TBX4: variants seen among roughly 807,000 people sequenced by gnomAD.
TBX4 encodes the protein T-box transcription factor 4.
In TBX4, 13 loss-of-function variants were observed where a neutral mutation model predicts 54.6. That is an observed-to-expected ratio of 0.24 (90% CI 0.15 to 0.38). The LOEUF (loss-of-function observed/expected upper bound fraction) is 0.38. TBX4 is among the 10% of genes least tolerant of loss of function. The pLI is 1.00. For missense variants in TBX4, 631 were observed against 728.5 expected, an observed-to-expected ratio of 0.87 and a Z score of 1.54; for synonymous variants, 314 against 306.7, an observed-to-expected ratio of 1.02 and a Z score of -0.25.
Position 61,482,988 on chromosome 17 carries a change from C to G in TBX4, c.1113C>G (p.Pro371=), listed in dbSNP as rs140385970. The G allele has an allele frequency of 2.8e-4, 451 of 1,614,076 alleles. 1 individual carries two copies. The highest frequency in any genetic ancestry group is 2.1e-3 in the Middle Eastern group (13 of 6,062). Reference sequence around the variant, plus strand: ...GGGAGGATCACTATTTCCGTTCCCCCCCTCCCTACGACCAGCAAATGCTGA... The same window carrying G: ...GGGAGGATCACTATTTCCGTTCCCCGCCTCCCTACGACCAGCAAATGCTGA... ...SVGEDHYFRS[P]PPYDQQMLSP... The change falls in exon 9 of 9, where the codon CCC becomes CCG. Residue 371 remains proline, a synonymous_variant. Coordinates refer to ENST00000644296, the MANE Select transcript of TBX4 (RefSeq NM_001321120.2).
chr17:61,481,029 G>C lies in TBX4; in HGVS notation c.1021+710G>C, dbSNP rs1333457787. Among the ~76,000 whole-genome samples, 1 of 152,098 alleles carries C rather than the reference G, an allele frequency of 6.6e-6. No individual in the cohort carries two copies. The highest frequency in any genetic ancestry group is 2.4e-5 in the African/African-American group (1 of 41,410). On this transcript the variant is annotated intron_variant, in intron 8 of 8. Transcript: ENST00000644296. This position sits in a 1 kb window ranked among gnomAD's most constrained non-coding sequence, Gnocchi z 4.8. ...GAAATTCCCTTCGGAATGAGCCTGG[G>C]GACTTTTGCTTGCCTTCCGGAATGT... is the stretch of plus-strand genomic sequence containing the variant.
At chr17:61,471,188 C>A (rs1403434188) in intron 5 of TBX4, among the ~76,000 whole-genome samples, 1 of 152,206 alleles carries the variant, frequency 6.6e-6, no homozygotes, top group African/African-American at 2.4e-5. Context: ...GGCCTGACTG[C>A]CACACCCTTA....
chr17:61,476,367 T>A lies in TBX4; in HGVS notation c.550-2260T>A, dbSNP rs2060620042. ...GATCGAGACAGCAGAGGGACCTGCATGTGCAAAGGTGCACAGGTAGGAACT... is the reference window on the plus strand; with the variant it reads ...GATCGAGACAGCAGAGGGACCTGCAAGTGCAAAGGTGCACAGGTAGGAACT... On this transcript the variant is annotated intron_variant, in intron 5 of 8. Transcript: ENST00000644296. The surrounding 1 kb of genome is among the most constrained non-coding windows in gnomAD (Gnocchi z 6.5). Among the ~76,000 whole-genome samples the A allele has an allele frequency of 6.6e-6, 1 of 152,234 alleles. No individual in the cohort carries two copies. The highest frequency in any genetic ancestry group is 6.5e-5 in the Admixed American group (1 of 15,286).
Position 61,457,426 on chromosome 17 carries a change from T to TA in TBX4, c.187-111_187-110insA. 1 of 921,644 alleles carries TA rather than the reference T, an allele frequency of 1.1e-6. No individual in the cohort carries two copies. Among genetic ancestry groups the TA allele is most frequent in the Non-Finnish European group, 1.8e-6 (1 of 562,322 alleles). The allele number at this position is 921,644 out of a possible 1,614,324, so 57.1% of individuals were successfully genotyped here. ...TGAAACGAAATCTGGAGCCATGGGCTCCGGGCGGGCAGGGTTCCGCACAGC... is the reference window on the plus strand; with the variant it reads ...TGAAACGAAATCTGGAGCCATGGGCTACCGGGCGGGCAGGGTTCCGCACAGC... On this transcript the variant is annotated intron_variant, in intron 2 of 8. Transcript: ENST00000644296. The surrounding 1 kb of genome is among the most constrained non-coding windows in gnomAD (Gnocchi z 8.2).
In TBX4 at chr17:61,483,255, C is replaced by T. The variant is rs200860672; in HGVS notation, c.1380C>T (p.Ser460=). ...TGATGCCGCGGCTGCCCACCCTCTC[C>T]GCTCAGAGCTCCCAGCCACCAGGAA... ...TTMMPRLPTL[S]AQSSQPPGNA... is the part of the protein sequence containing the mutation. The change falls in exon 9 of 9, where the codon TCC becomes TCT. Residue 460 remains serine (S), a synonymous_variant. Coordinates refer to ENST00000644296, the MANE Select transcript of TBX4 (RefSeq NM_001321120.2). This position sits in a 1 kb window ranked among gnomAD's most constrained non-coding sequence, Gnocchi z 6.6. 1.2e-4 allele frequency: 192 copies of T among 1,614,070 alleles called. 1 individual carries two copies. Among genetic ancestry groups the T allele is most frequent in the Non-Finnish European group, 4.1e-5 (48 of 1,180,042 alleles).
At chr17:61,456,371 G>A in intron 1 of TBX4, 117 bp from the exon 2 acceptor site, 1 of 1,397,856 alleles carries the variant, frequency 7.2e-7, no homozygotes, top group Non-Finnish European at 9.9e-7. Context: ...CGGGGTCCAC[G>A]TGCTCCAGGG....
In TBX4 at chr17:61,472,808, A is replaced by G. The variant is rs1420342002; in HGVS notation, c.549+5151A>G. On this transcript the variant is annotated intron_variant, in intron 5 of 8. Transcript: ENST00000644296. This position sits in a 1 kb window ranked among gnomAD's most constrained non-coding sequence, Gnocchi z 4.5. Reference sequence around the variant, plus strand: ...AATCCAATTTTTTTTTTTTTTCTACAGAGCTATCCAGTTGTCCCAGCATCA... The same window carrying G: ...AATCCAATTTTTTTTTTTTTTCTACGGAGCTATCCAGTTGTCCCAGCATCA... Among the ~76,000 whole-genome samples, 1 of 149,014 alleles carries G rather than the reference A, an allele frequency of 6.7e-6. No individual in the cohort carries two copies. Among genetic ancestry groups the G allele is most frequent in the Non-Finnish European group, 1.5e-5 (1 of 67,622 alleles).
At chr17:61,473,514 G>A (rs918844804) in intron 5 of TBX4, among the ~76,000 whole-genome samples, 1 of 152,180 alleles carries the variant, frequency 6.6e-6, no homozygotes, top group Admixed American at 6.5e-5. Context: ...TCTGCCAGTG[G>A]GGACCCAGAG....
At position 61,454,051 on chromosome 17, in the gene TBX4, C is replaced by T. The variant is rs112737023; in HGVS notation, c.-4+1474C>T. 1.1e-3 allele frequency among the ~76,000 whole-genome samples: 168 copies of T among 152,258 alleles called. 1 individual carries two copies. The highest frequency in any genetic ancestry group is 3.8e-3 in the African/African-American group (159 of 41,554). ...GAAATAGTATTATGAATGTGCCAGG[C>T]GGCCCTGAAATGATGGAACAGTGAC... On this transcript the variant is annotated intron_variant, in intron 1 of 8. Transcript: ENST00000644296.
At position 61,465,088 on chromosome 17, in the gene TBX4, C is replaced by G. The variant is rs1387319214; in HGVS notation, c.282-731C>G. On this transcript the variant is annotated intron_variant, in intron 3 of 8. Transcript: ENST00000644296. The surrounding 1 kb of genome is among the most constrained non-coding windows in gnomAD (Gnocchi z 4.9). ...GTTGCCTAAGGCTTATCAGTGGGGT[C>G]CAGGCTGTGACCATGGCAGGTGGTT... Among the ~76,000 whole-genome samples, 4 of 152,134 alleles carry G rather than the reference C, an allele frequency of 2.6e-5. No homozygotes were observed. The highest frequency in any genetic ancestry group is 9.7e-5 in the African/African-American group (4 of 41,418).
rs2060530001 is a variant in TBX4, at chr17:61,465,629, G to T, written c.282-190G>T. Reference sequence around the variant, plus strand: ...CAGGGGCTCAGAGACAGCAGCCAGTGCCACCTTTTCACTGTGCAGCTCGGG... The same window carrying T: ...CAGGGGCTCAGAGACAGCAGCCAGTTCCACCTTTTCACTGTGCAGCTCGGG... On this transcript the variant is annotated intron_variant, in intron 3 of 8. Transcript: ENST00000644296. This position sits in a 1 kb window ranked among gnomAD's most constrained non-coding sequence, Gnocchi z 4.9. Among the ~76,000 whole-genome samples, 1 of 152,186 alleles carries T rather than the reference G, an allele frequency of 6.6e-6. No homozygotes were observed. The highest frequency in any genetic ancestry group is 6.5e-5 in the Admixed American group (1 of 15,288).
At chr17:61,467,293 G>A (rs928027620) in intron 4 of TBX4, among the ~76,000 whole-genome samples, 3 of 152,026 alleles carry the variant, frequency 2.0e-5, no homozygotes, top group Non-Finnish European at 4.4e-5. Context: ...CTTTTCTACT[G>A]CAGTAAAATA....
chr17:61,474,853 A>G lies in TBX4; in HGVS notation c.550-3774A>G, dbSNP rs900508605. On this transcript the variant is annotated intron_variant, in intron 5 of 8. Transcript: ENST00000644296. The surrounding 1 kb of genome is among the most constrained non-coding windows in gnomAD (Gnocchi z 4.6). ...TCACATTCTCCCGGCTGATGGGACT[A>G]AGGCTCAAGTTTATACTTGTCTTGG... 6.6e-6 allele frequency among the ~76,000 whole-genome samples: 1 copy of G among 152,206 alleles called. No individual in the cohort carries two copies. Among genetic ancestry groups the G allele is most frequent in the African/African-American group, 2.4e-5 (1 of 41,448 alleles).
intron 1 of TBX4, among the ~76,000 whole-genome samples, chr17:61,455,711 C>G (rs1293271967): frequency 6.6e-6 from 1 of 152,194 alleles, no homozygotes; most frequent in African/African-American, 2.4e-5. Flanking sequence ...CTGAGTGAGC[C>G]TGTAGGTTCG....
intron 5 of TBX4, among the ~76,000 whole-genome samples, chr17:61,470,873 TCTC>T (rs1298524566): frequency 6.6e-6 from 1 of 152,190 alleles, no homozygotes; most frequent in African/African-American, 2.4e-5. Flanking sequence ...TTCTTCCTCT[TCTC>T]CTCTTCTGAA....
rs1214501349 is a variant in TBX4, at chr17:61,462,413, G to T, written c.282-3406G>T. Among the ~76,000 whole-genome samples the T allele has an allele frequency of 1.3e-5, 2 of 152,182 alleles. No homozygotes were observed. Among genetic ancestry groups the T allele is most frequent in the Non-Finnish European group, 2.9e-5 (2 of 68,030 alleles). On this transcript the variant is annotated intron_variant, in intron 3 of 8. Coordinates refer to ENST00000644296, the MANE Select transcript of TBX4 (RefSeq NM_001321120.2). The surrounding 1 kb of genome is among the most constrained non-coding windows in gnomAD (Gnocchi z 4.5). ...CCCGACGGCGCGAGGGGAACTGGGG[G>T]AGCATGGAGAGGGCGCTTGGGGCGC...
chr17:61,468,468 G>A (rs965103938), intron 5 of TBX4, among the ~76,000 whole-genome samples: 1 of 152,340 alleles, frequency 6.6e-6, no homozygotes, highest in Middle Eastern at 3.4e-3. Context: ...CAGGGCAGGG[G>A]CAGTGGAGGC....
intron 5 of TBX4, among the ~76,000 whole-genome samples, chr17:61,470,307 G>T (rs968626581): frequency 6.6e-6 from 1 of 152,210 alleles, no homozygotes; most frequent in Non-Finnish European, 1.5e-5. Flanking sequence ...CGGGGAGGGG[G>T]TGTGGAACAA....
rs1022010427 is a variant in TBX4 at position 61,462,567 on chromosome 17, G to A, written c.282-3252G>A. Among the ~76,000 whole-genome samples, 3 of 148,972 alleles carry A rather than the reference G, an allele frequency of 2.0e-5. No individual in the cohort carries two copies. Among genetic ancestry groups the A allele is most frequent in the Non-Finnish European group, 3.0e-5 (2 of 66,940 alleles). Reference sequence around the variant, plus strand: ...AGGGTGCAGGGAGGGGAGAGGGGGAGCGCGCAAGGAGGGGGCTGGCTGGGG... The same window carrying A: ...AGGGTGCAGGGAGGGGAGAGGGGGAACGCGCAAGGAGGGGGCTGGCTGGGG... On this transcript the variant is annotated intron_variant, in intron 3 of 8. Coordinates refer to ENST00000644296, the MANE Select transcript of TBX4 (RefSeq NM_001321120.2). This position sits in a 1 kb window ranked among gnomAD's most constrained non-coding sequence, Gnocchi z 4.5.
Sources: gnomAD v4.1 joint callset for allele counts (sites outside exome capture counted in the v4.1 genomes callset) on GRCh38, gnomAD v4.1.1 for gene constraint, Gnocchi (gnomAD v3.1) non-coding constraint, MANE v1.5 for transcripts, NCBI Gene and HGNC (gene_info 2026-07-23, HGNC 2026-07-21) for gene names.